Variants in TSNARE1 observed in about 807,000 individuals in gnomAD.
TSNARE1 encodes the protein t-SNARE domain-containing protein 1.
TSNARE1 carries 49 observed loss-of-function variants against 62.0 expected under a neutral mutation model. The ratio of observed to expected loss-of-function variants is 0.79; its 90% CI spans 0.63 to 1.00. The LOEUF (loss-of-function observed/expected upper bound fraction) is 1.00, where lower values mean the gene tolerates loss of function less well. TSNARE1 is among the 50% of genes least tolerant of loss of function. TSNARE1 has a pLI of 0.00. For missense variants in TSNARE1, 755 were observed against 700.1 expected, an observed-to-expected ratio of 1.08 and a Z score of -0.88; for synonymous variants, 328 against 294.4, an observed-to-expected ratio of 1.11 and a Z score of -1.17.
chr8:142,263,907 A>G (rs1389819097), intron 12 of TSNARE1, among the ~76,000 whole-genome samples: 1 of 152,244 alleles, frequency 6.6e-6, no homozygotes, highest in Non-Finnish European at 1.5e-5. Flanking sequence ...TTCCATTAAA[A>G]TTTTAACAAG....
intron 2 of TSNARE1, among the ~76,000 whole-genome samples, chr8:142,352,695 G>C (rs191770089): frequency 4.6e-5 from 7 of 152,172 alleles, no homozygotes; most frequent in African/African-American, 1.4e-4. Flanking sequence ...AATCGTCTGA[G>C]CCCAGGGAAG....
At position 142,300,663 on chromosome 8, in the gene TSNARE1, T is replaced by A. The variant is rs372726259; in HGVS notation, c.1132-19A>T. On this transcript the variant is annotated intron_variant, in intron 9 of 13. Coordinates refer to ENST00000524325, the MANE Select transcript of TSNARE1 (RefSeq NM_145003.5). ...GGGGACTCTGCTGATGACAGACAGA[T>A]CTTGTTAGCACTGACCCCTCCCATT... 2 of 1,608,514 alleles carry A rather than the reference T, an allele frequency of 1.2e-6. No individual in the cohort carries two copies. The highest frequency in any genetic ancestry group is 2.7e-5 in the African/African-American group (2 of 74,842).
chr8:142,281,033 G>A (rs775609366), intron 11 of TSNARE1, among the ~76,000 whole-genome samples: 1 of 152,202 alleles, frequency 6.6e-6, no homozygotes, highest in Non-Finnish European at 1.5e-5. Flanking sequence ...CAGTACCCGG[G>A]AAGAGGACGC....
chr8:142,222,968 T>TCATC (rs1563756374), intron 13 of TSNARE1, among the ~76,000 whole-genome samples: 11 of 110,502 alleles, frequency 1.0e-4, no homozygotes, highest in Admixed American at 5.2e-4. Context: ...ACTCACTCAT[T>TCATC]CACTCACTCA....
chr8:142,371,026 T>C lies in TSNARE1; in HGVS notation c.-39-16263A>G, dbSNP rs184227186. On this transcript the variant is annotated intron_variant, in intron 1 of 13. Transcript: ENST00000524325. ...CACTACACTTCAGCTGCCAAGGCTG[T>C]TTCTCACAGGTACAAGAGGACATCA... is the stretch of plus-strand genomic sequence containing the variant. Among the ~76,000 whole-genome samples, 424 of 152,290 alleles carry C rather than the reference T, an allele frequency of 2.8e-3. 4 individuals are homozygous for C. The highest frequency in any genetic ancestry group is 9.6e-3 in the African/African-American group (398 of 41,560).
intron 6 of TSNARE1, 118 bp from the exon 7 acceptor site, chr8:142,318,752 T>A (rs759351582): frequency 1.2e-6 from 1 of 866,342 alleles, no homozygotes; most frequent in Non-Finnish European, 1.9e-6. Context: ...CAGAGACAGA[T>A]GGATGGACAG....
intron 10 of TSNARE1, among the ~76,000 whole-genome samples, chr8:142,286,135 G>A (rs966487970): frequency 6.6e-6 from 1 of 152,180 alleles, no homozygotes; most frequent in African/African-American, 2.4e-5. Flanking sequence ...GGCAAGCCTG[G>A]CCACCTCAAG....
intron 1 of TSNARE1, among the ~76,000 whole-genome samples, chr8:142,358,415 G>C (rs1257909563): frequency 1.3e-5 from 2 of 152,164 alleles, no homozygotes; most frequent in Non-Finnish European, 2.9e-5. Flanking sequence ...ATTCAAGTCT[G>C]AAAGAGCTGA....
chr8:142,344,809 G>A (rs1833135957), intron 3 of TSNARE1, among the ~76,000 whole-genome samples: 1 of 152,244 alleles, frequency 6.6e-6, no homozygotes, highest in Admixed American at 6.5e-5. Flanking sequence ...CCCTCTCCAG[G>A]GTTTCCTGCC....
chr8:142,376,217 G>GTGTGTCTCACGCAGTGAGACTCCACA (rs1361035936), intron 1 of TSNARE1, among the ~76,000 whole-genome samples: 5 of 152,170 alleles, frequency 3.3e-5, no homozygotes. Context: ...AGGGACAAGG[G>GTGTGTCTCACGCAGTGAGACTCCACA]TGTGTCTCAC....
At chr8:142,373,138 TGAG>T (rs1444176785) in intron 1 of TSNARE1, among the ~76,000 whole-genome samples, 1 of 152,046 alleles carries the variant, frequency 6.6e-6, no homozygotes, top group East Asian at 1.9e-4. Context: ...CTGGGTGTCA[TGAG>T]AAGAAAGAGA....
chr8:142,348,744 G>A (rs1322444170), intron 2 of TSNARE1, among the ~76,000 whole-genome samples: 3 of 152,016 alleles, frequency 2.0e-5, no homozygotes, highest in Non-Finnish European at 2.9e-5. Context: ...GGTGCGCTGA[G>A]GAGACAGCTA....
At chr8:142,393,882 TG>T (rs1837717210) in intron 1 of TSNARE1, among the ~76,000 whole-genome samples, 1 of 152,170 alleles carries the variant, frequency 6.6e-6, no homozygotes, top group Non-Finnish European at 1.5e-5. Flanking sequence ...TCGGGGAGTG[TG>T]GGGCACTTCC....
chr8:142,313,166 C>G (rs1563889397), intron 9 of TSNARE1, among the ~76,000 whole-genome samples: 1 of 151,898 alleles, frequency 6.6e-6, no homozygotes. Flanking sequence ...ATCTGTGTCT[C>G]TGTGTGTTTA....
chr8:142,255,113 G>A (rs1378083528), intron 12 of TSNARE1, among the ~76,000 whole-genome samples: 4 of 151,982 alleles, frequency 2.6e-5, no homozygotes, highest in African/African-American at 4.8e-5. Flanking sequence ...GGCCCCCAGC[G>A]GCTGAAGGGG....
At chr8:142,280,353 G>A (rs1771807151) in intron 11 of TSNARE1, 2 of 982,736 alleles carry the variant, frequency 2.0e-6, no homozygotes, top group Admixed American at 6.1e-5. Context: ...CTGAGCAGGG[G>A]GCAGAGACCC....
chr8:142,405,645 T>C (rs1838573779), upstream of TSNARE1: 1 of 152,236 alleles, frequency 6.6e-6, no homozygotes, highest in South Asian at 2.1e-4. Flanking sequence ...TTAAGCTGAA[T>C]TTCCAGGTCA....
rs1563956598 is a variant in TSNARE1 at position 142,344,456 on chromosome 8, AG to A, written c.254del (p.Pro85LeufsTer56). 2 of 1,569,992 alleles carry A rather than the reference AG, an allele frequency of 1.3e-6. No homozygotes were observed. Among genetic ancestry groups the A allele is most frequent in the Admixed American group, 3.8e-5 (2 of 52,062 alleles). ...RARKRGPGVA[P>X]EGSRMPEPTS... ...TGGGCTCCGGCATCCGGCTGCCTTC[AG>A]GGGCAACCCCAGGCCCTGGAAAGGC... On this transcript the variant is annotated frameshift_variant, in exon 4 of 14. Coordinates refer to ENST00000524325, the MANE Select transcript of TSNARE1 (RefSeq NM_145003.5). LOFTEE classifies it high-confidence loss of function.
chr8:142,274,877 C>A lies in TSNARE1; in HGVS notation c.1364-14G>T, dbSNP rs772054827. On this transcript the variant is annotated splice_polypyrimidine_tract_variant and intron_variant, in intron 11 of 13. Transcript: ENST00000524325. ...CTTCAATACTATCTGCAAATCAAGA[C>A]AACAGAAGGCAATTACAGATGGAGG... is the stretch of plus-strand genomic sequence containing the variant. 3 of 1,531,360 alleles carry A rather than the reference C, an allele frequency of 2.0e-6. No individual in the cohort carries two copies. Among genetic ancestry groups the A allele is most frequent in the Non-Finnish European group, 2.6e-6 (3 of 1,136,486 alleles). 94.9% of individuals were successfully genotyped at this position (1,531,360 alleles called of 1,614,324 possible).
Sources: allele counts gnomAD v4.1 joint callset (sites outside exome capture counted in the v4.1 genomes callset), GRCh38; gene constraint gnomAD v4.1.1; transcripts MANE v1.5; gene names NCBI Gene and HGNC (gene_info 2026-07-23, HGNC 2026-07-21).